GAS2L3: variants seen among roughly 807,000 people sequenced by gnomAD.
GAS2L3 encodes the protein growth arrest specific 2 like 3, also known as GAS2-like protein 3.
Under a neutral mutation model 37.0 loss-of-function variants are expected in GAS2L3, and 28 were observed. That is an observed-to-expected ratio of 0.76 (90% CI 0.56 to 1.04). The LOEUF (loss-of-function observed/expected upper bound fraction) is 1.04. Among genes scored for constraint, GAS2L3 ranks in the 50% least tolerant of loss-of-function variants. GAS2L3 has a pLI of 0.00. For synonymous variants in GAS2L3, 290 were observed against 296.6 expected, an observed-to-expected ratio of 0.98 and a Z score of 0.23; for missense variants, 793 against 817.6, an observed-to-expected ratio of 0.97 and a Z score of 0.37.
chr12:100,594,127 G>A (rs1284580404), intron 2 of GAS2L3, among the ~76,000 whole-genome samples: 1 of 151,832 alleles, frequency 6.6e-6, no homozygotes, highest in Non-Finnish European at 1.5e-5. Context: ...AACTAGACTA[G>A]CTTATTATGC....
At chr12:100,604,215 A>AT (rs1018365063) in intron 5 of GAS2L3, among the ~76,000 whole-genome samples, 4 of 151,958 alleles carry the variant, frequency 2.6e-5, no homozygotes, top group Admixed American at 6.6e-5. Context: ...AACAATATTG[A>AT]TTCTTCCAAT....
chr12:100,592,469 T>C (rs1226609802), intron 2 of GAS2L3: 2 of 152,148 alleles, frequency 1.3e-5, no homozygotes, highest in African/African-American at 4.8e-5. Flanking sequence ...AGATCCTGTA[T>C]TTTTGGGACG....
chr12:100,578,645 T>TG (rs1955667761), intron 1 of GAS2L3: 1 of 277,124 alleles, frequency 3.6e-6, no homozygotes, highest in African/African-American at 2.2e-5. Flanking sequence ...GCGGCAGCCG[T>TG]GGGAGGTCCA....
intron 1 of GAS2L3, among the ~76,000 whole-genome samples, chr12:100,583,086 G>A (rs536450189): frequency 6.6e-6 from 1 of 152,044 alleles, no homozygotes; most frequent in Admixed American, 6.6e-5. Flanking sequence ...AAAGAATTCG[G>A]GACAAGTCCA....
At chr12:100,588,161 C>T (rs1955803554) in intron 1 of GAS2L3, among the ~76,000 whole-genome samples, 1 of 152,190 alleles carries the variant, frequency 6.6e-6, no homozygotes, top group Admixed American at 6.5e-5. Context: ...CCTAAGGACT[C>T]CTCCAGAAAG....
At chr12:100,598,899 AAAT>A (rs1261249027) in intron 3 of GAS2L3, among the ~76,000 whole-genome samples, 1 of 152,164 alleles carries the variant, frequency 6.6e-6, no homozygotes, top group Non-Finnish European at 1.5e-5. Context: ...CCCATTTGAT[AAAT>A]CCTCATGTGT....
intron 1 of GAS2L3, among the ~76,000 whole-genome samples, chr12:100,590,070 T>C (rs1255995085): frequency 3.3e-5 from 5 of 152,180 alleles, no homozygotes; most frequent in African/African-American, 1.2e-4. Flanking sequence ...TGTAACCTAA[T>C]TAAACTAAGG....
At chr12:100,580,254 G>A (rs1955694202) in intron 1 of GAS2L3, 6 of 487,380 alleles carry the variant, frequency 1.2e-5, no homozygotes, top group Middle Eastern at 5.1e-4. Flanking sequence ...TAAGACTATG[G>A]AAAATAACCT....
intron 5 of GAS2L3, among the ~76,000 whole-genome samples, chr12:100,609,076 C>T: frequency 6.6e-6 from 1 of 152,146 alleles, no homozygotes; most frequent in East Asian, 1.9e-4. Context: ...CCCTCTGGCC[C>T]AGGCCAGTTC....
Position 100,625,312 on chromosome 12 carries a change from TAA to T in GAS2L3, c.*433_*434del, listed in dbSNP as rs201990375. Reference sequence around the variant, plus strand: ...TACTATTAGTTAATTGCATTTTGGTTAAAAAAAAAAAAGCAACAGTTTGGCAC... The same window carrying T: ...TACTATTAGTTAATTGCATTTTGGTTAAAAAAAAAAGCAACAGTTTGGCAC... On this transcript the variant is annotated 3_prime_UTR_variant, in exon 10 of 10. Transcript: ENST00000547754. 29 of 146,328 alleles carry T rather than the reference TAA, an allele frequency of 2.0e-4. No homozygotes were observed. The highest frequency in any genetic ancestry group is 6.3e-4 in the South Asian group (3 of 4,762). The allele number at this position is 146,328 out of a possible 1,614,324, so 9.1% of individuals were successfully genotyped here.
intron 8 of GAS2L3, chr12:100,618,812 G>A (rs907986771): frequency 4.6e-6 from 2 of 434,402 alleles, no homozygotes; most frequent in Admixed American, 8.5e-5. Context: ...GTTGAGGAGT[G>A]GTGGGGCAAA....
At chr12:100,598,710 G>A (rs1244032804) in intron 3 of GAS2L3, among the ~76,000 whole-genome samples, 2 of 152,104 alleles carry the variant, frequency 1.3e-5, no homozygotes, top group East Asian at 3.8e-4. Flanking sequence ...TTATCTCAAT[G>A]CTCAAATTGC....
intron 3 of GAS2L3, among the ~76,000 whole-genome samples, chr12:100,599,547 A>T (rs148337338): frequency 6.6e-6 from 1 of 152,190 alleles, no homozygotes; most frequent in African/African-American, 2.4e-5. Flanking sequence ...TGCCCCATGG[A>T]CTATAGTTTG....
chr12:100,577,993 A>G (rs901864406), intron 1 of GAS2L3, among the ~76,000 whole-genome samples: 2 of 152,218 alleles, frequency 1.3e-5, no homozygotes, highest in Non-Finnish European at 2.9e-5. Context: ...TTTGGGCTTT[A>G]TCCTGAAAAC....
chr12:100,613,198 A>T (rs1312568217), intron 6 of GAS2L3, among the ~76,000 whole-genome samples: 2 of 152,198 alleles, frequency 1.3e-5, no homozygotes, highest in East Asian at 3.8e-4. Context: ...AAAGGACATA[A>T]GATTGTTGTA....
intron 9 of GAS2L3, among the ~76,000 whole-genome samples, chr12:100,622,704 A>G (rs937409164): frequency 2.1e-5 from 3 of 146,006 alleles, no homozygotes; most frequent in Non-Finnish European, 3.0e-5. Flanking sequence ...ATTTTCCATC[A>G]TAAGAAGAAA....
At chr12:100,587,938 G>A (rs1411558734) in intron 1 of GAS2L3, among the ~76,000 whole-genome samples, 1 of 152,182 alleles carries the variant, frequency 6.6e-6, no homozygotes, top group East Asian at 1.9e-4. Flanking sequence ...TGTAGTCCCA[G>A]CTACTCGGGA....
intron 5 of GAS2L3, among the ~76,000 whole-genome samples, chr12:100,609,765 A>G (rs910745791): frequency 4.6e-5 from 7 of 152,126 alleles, no homozygotes; most frequent in African/African-American, 1.7e-4. Flanking sequence ...GGTTGGTCCA[A>G]ATGCTTTCTC....
At chr12:100,604,965 A>G (rs966364390) in intron 5 of GAS2L3, among the ~76,000 whole-genome samples, 1 of 152,054 alleles carries the variant, frequency 6.6e-6, no homozygotes, top group Non-Finnish European at 1.5e-5. Flanking sequence ...CATGATGAAT[A>G]ACCTTTTAAA....
Sources: gnomAD v4.1 joint callset for allele counts (sites outside exome capture counted in the v4.1 genomes callset) on GRCh38, gnomAD v4.1.1 for gene constraint, MANE v1.5 for transcripts, NCBI Gene and HGNC (gene_info 2026-07-23, HGNC 2026-07-21) for gene names.